The following RABL3 variants were observed in gnomAD, a reference collection of about 807,000 sequenced individuals.
RABL3 encodes rab-like protein 3.
Under a neutral mutation model 31.8 loss-of-function variants are expected in RABL3, and 31 were observed. That is an observed-to-expected ratio of 0.97 (90% CI 0.73 to 1.31). The LOEUF (loss-of-function observed/expected upper bound fraction) is 1.31, where lower values mean the gene tolerates loss of function less well. Ranked by LOEUF, RABL3 falls within the 40% of genes most tolerant of loss-of-function variation. The pLI is 0.00. For missense variants in RABL3, 263 were observed against 279.6 expected (o/e 0.94, Z 0.42); for synonymous variants, 97 against 99.9 (o/e 0.97, Z 0.18).
intron 2 of RABL3, among the ~76,000 whole-genome samples, chr3:120,717,534 T>C (rs979407501): frequency 6.6e-6 from 1 of 152,110 alleles, no homozygotes; most frequent in South Asian, 2.1e-4. Flanking sequence ...AGTGGCCTGA[T>C]CTCAAGTCAC....
rs1445852436 is a variant in RABL3, at chr3:120,689,688, A to G, written c.*135T>C. 1 of 644,528 alleles carries G rather than the reference A, an allele frequency of 1.6e-6. No homozygotes were observed. Among genetic ancestry groups the G allele is most frequent in the Non-Finnish European group, 2.7e-6 (1 of 367,920 alleles). 39.9% of individuals were successfully genotyped at this position (644,528 alleles called of 1,614,324 possible). A position where few individuals can be genotyped will look rare whatever the true frequency, so the allele number is the denominator to read the frequency against. On this transcript the variant is annotated 3_prime_UTR_variant, in exon 8 of 8. Transcript: ENST00000273375. ...TATTGTCACTTCCTTTCATTTTTCCATTAAAGGGTAAGGCTGAAGGGTAGC... is the reference window on the plus strand; with the variant it reads ...TATTGTCACTTCCTTTCATTTTTCCGTTAAAGGGTAAGGCTGAAGGGTAGC...
chr3:120,700,883 T>C (rs1467918309), intron 4 of RABL3, among the ~76,000 whole-genome samples: 2 of 152,046 alleles, frequency 1.3e-5, no homozygotes, highest in African/African-American at 4.8e-5. Context: ...AAATTTTCTA[T>C]AATAAAAAGT....
rs1156717778 is a variant in RABL3, at chr3:120,723,764, ACT to A, written c.138+6930_138+6931del. Among the ~76,000 whole-genome samples the A allele has an allele frequency of 2.6e-5, 4 of 152,126 alleles. No individual in the cohort carries two copies. The East Asian group carries it at 5.8e-4, about 22-fold the overall frequency. ...AATTCAACAACCCTTCATGCTAAAA[ACT>A]CTCAATAAATTAGGTATTGATGGGA... On this transcript the variant is annotated intron_variant, in intron 2 of 7. Coordinates refer to ENST00000273375, the MANE Select transcript of RABL3 (RefSeq NM_173825.5).
At chr3:120,728,905 T>C (rs1708852287) in intron 2 of RABL3, among the ~76,000 whole-genome samples, 1 of 151,698 alleles carries the variant, frequency 6.6e-6, no homozygotes, top group South Asian at 2.1e-4. Flanking sequence ...AAAATCAGAG[T>C]GAGAAGTGGG....
chr3:120,718,627 T>C (rs540635864), intron 2 of RABL3, among the ~76,000 whole-genome samples: 5 of 152,238 alleles, frequency 3.3e-5, no homozygotes, highest in Admixed American at 6.5e-5. Flanking sequence ...TGAGTCAGAA[T>C]ATCTGGGGGC....
intron 3 of RABL3, among the ~76,000 whole-genome samples, chr3:120,706,909 A>G (rs1708556150): frequency 6.6e-6 from 1 of 152,206 alleles, no homozygotes; most frequent in African/African-American, 2.4e-5. Context: ...AAGAGAATCA[A>G]TTAAAATCCT....
intron 1 of RABL3, among the ~76,000 whole-genome samples, chr3:120,740,134 T>C (rs958518054): frequency 6.6e-6 from 1 of 152,324 alleles, no homozygotes; most frequent in Middle Eastern, 3.4e-3. Context: ...TTTGGTAATA[T>C]GTTAAACTAG....
intron 1 of RABL3, among the ~76,000 whole-genome samples, chr3:120,740,197 T>G (rs1709024289): frequency 6.6e-6 from 1 of 152,156 alleles, no homozygotes. Context: ...ACTTTCAGGG[T>G]TCCTTACCAA....
chr3:120,737,083 T>C (rs1489636491), intron 1 of RABL3, among the ~76,000 whole-genome samples: 1 of 152,220 alleles, frequency 6.6e-6, no homozygotes, highest in Non-Finnish European at 1.5e-5. Flanking sequence ...CCTTGCTACG[T>C]TGGGGAACTT....
rs1214856338 is a variant in RABL3, at chr3:120,735,413, C to T, written c.47-4626G>A. On this transcript the variant is annotated intron_variant, in intron 1 of 7. Coordinates refer to ENST00000273375, the MANE Select transcript of RABL3 (RefSeq NM_173825.5). The stretch of plus-strand genomic sequence containing the variant: ...ATATCCCCTTTATCATTTTTTATTG[C>T]GTCTGTTTGATTCTTCTGTCTTGTC... Among the ~76,000 whole-genome samples the T allele has an allele frequency of 1.5e-4, 23 of 150,278 alleles. 1 individual carries two copies. In the South Asian group the frequency reaches 3.2e-3, roughly 21 times the overall value.
At chr3:120,707,938 T>C (rs983375296) in intron 3 of RABL3, among the ~76,000 whole-genome samples, 9 of 152,096 alleles carry the variant, frequency 5.9e-5, no homozygotes, top group Non-Finnish European at 1.3e-4. Context: ...TGATAATATA[T>C]CTTAATCTTA....
At chr3:120,729,234 A>G (rs1438073640) in intron 2 of RABL3, among the ~76,000 whole-genome samples, 1 of 152,206 alleles carries the variant, frequency 6.6e-6, no homozygotes, top group Non-Finnish European at 1.5e-5. Flanking sequence ...CTGTGCTACA[A>G]TCAGATGCTG....
At chr3:120,724,373 C>T (rs1368864900) in intron 2 of RABL3, among the ~76,000 whole-genome samples, 1 of 152,134 alleles carries the variant, frequency 6.6e-6, no homozygotes, top group Non-Finnish European at 1.5e-5. Flanking sequence ...GGCCATACTG[C>T]CCAAGGTAAT....
intron 1 of RABL3, among the ~76,000 whole-genome samples, chr3:120,731,537 T>G (rs563183264): frequency 3.3e-5 from 5 of 152,168 alleles, no homozygotes; most frequent in African/African-American, 1.2e-4. Flanking sequence ...ATTGAGAGAT[T>G]TGTATGAAGA....
intron 2 of RABL3, among the ~76,000 whole-genome samples, chr3:120,728,438 A>G (rs1386237623): frequency 6.6e-6 from 1 of 152,186 alleles, no homozygotes; most frequent in African/African-American, 2.4e-5. Context: ...TTTCTTTTCA[A>G]TATGTCATGC....
intron 2 of RABL3, among the ~76,000 whole-genome samples, chr3:120,723,480 G>A (rs1182306222): frequency 6.6e-6 from 1 of 152,126 alleles, no homozygotes; most frequent in Admixed American, 6.5e-5. Context: ...CCAAAGCCTG[G>A]CAGAGACACA....
chr3:120,705,950 C>A (rs1300246549), intron 4 of RABL3, 50 bp downstream of exon 4: 2 of 1,064,292 alleles, frequency 1.9e-6, no homozygotes, highest in Non-Finnish European at 2.9e-6. Context: ...CAGGGAAGTA[C>A]ATTCCTGTGA....
chr3:120,727,571 G>T (rs1430592202), intron 2 of RABL3, among the ~76,000 whole-genome samples: 1 of 151,836 alleles, frequency 6.6e-6, no homozygotes, highest in Non-Finnish European at 1.5e-5. Context: ...AACAGATACA[G>T]AAATTAATAC....
chr3:120,730,562 T>G, intron 2 of RABL3, 134 bp downstream of exon 2: 1 of 623,566 alleles, frequency 1.6e-6, no homozygotes. Flanking sequence ...GCATAGTACC[T>G]GGCACATAGT....
Sources: gnomAD v4.1 joint callset for allele counts (sites outside exome capture counted in the v4.1 genomes callset) on GRCh38, gnomAD v4.1.1 for gene constraint, MANE v1.5 for transcripts, NCBI Gene and HGNC (gene_info 2026-07-23, HGNC 2026-07-21) for gene names.